The following MYO18A variants were observed in gnomAD, a reference collection of about 807,000 sequenced individuals.
MYO18A encodes the protein myosin XVIIIA.
A neutral mutation model predicts 235.8 loss-of-function variants in MYO18A; 78 were observed. The ratio of observed to expected loss-of-function variants is 0.33; its 90% confidence interval spans 0.28 to 0.40. The LOEUF is 0.40. MYO18A is among the 10% of genes least tolerant of loss of function. The probability of loss-of-function intolerance (pLI) is 1.00; values close to 1 mark genes in which losing one functional copy is unlikely to be tolerated. For synonymous variants in MYO18A, 977 were observed against 1,077.8 expected, an observed-to-expected ratio of 0.91 and a Z score of 1.83; for missense variants, 2,215 against 2,699.3, an observed-to-expected ratio of 0.82 and a Z score of 3.98.
intron 2 of MYO18A, chr17:29,133,924 C>G: frequency 8.3e-7 from 1 of 1,205,010 alleles, no homozygotes; most frequent in Non-Finnish European, 1.1e-6. Flanking sequence ...AAGGCCAGAA[C>G]CTGCCAGGAT....
intron 2 of MYO18A, chr17:29,165,658 T>C: frequency 5.0e-6 from 2 of 399,500 alleles, no homozygotes. Flanking sequence ...CCAGACAAGG[T>C]TGAGAGACGA....
intron 1 of MYO18A, among the ~76,000 whole-genome samples, chr17:29,179,432 C>T (rs1197006048): frequency 6.6e-6 from 1 of 152,176 alleles, no homozygotes. Context: ...ACCCACACTC[C>T]TGGCCGGGTT....
chr17:29,109,829 C>A lies in MYO18A; in HGVS notation c.3331+29G>T, dbSNP rs1216571887. The stretch of plus-strand genomic sequence containing the variant: ...GCAGGGCCAGCTCTGGAAAAGAGAG[C>A]CCAGAGTGGAGAGGAAAGGAGGCCC... On this transcript the variant is annotated intron_variant, in intron 19 of 41. Coordinates refer to ENST00000527372, the MANE Select transcript of MYO18A (RefSeq NM_078471.4). The surrounding 1 kb of genome is among the most constrained non-coding windows in gnomAD (Gnocchi z 4.1). 1 of 1,543,350 alleles carries A rather than the reference C, an allele frequency of 6.5e-7. No homozygotes were observed. The highest frequency in any genetic ancestry group is 1.4e-5 in the African/African-American group (1 of 72,948).
rs2067206145 is a variant in MYO18A at position 29,121,793 on chromosome 17, GC to G, written c.1194+57del. The G allele has an allele frequency of 1.2e-6, 2 of 1,610,614 alleles. No homozygotes were observed. Among genetic ancestry groups the G allele is most frequent in the Non-Finnish European group, 1.7e-6 (2 of 1,178,014 alleles). ...ATCTCCGCTGCCAGAGGATGGGCCT[GC>G]CCTGCCCAGTGCACTCCTGAGCCTC... On this transcript the variant is annotated intron_variant, in intron 4 of 41. Coordinates refer to ENST00000527372, the MANE Select transcript of MYO18A (RefSeq NM_078471.4). This position sits in a 1 kb window ranked among gnomAD's most constrained non-coding sequence, Gnocchi z 4.2.
intron 31 of MYO18A, among the ~76,000 whole-genome samples, chr17:29,093,725 C>T (rs951394345): frequency 6.6e-6 from 1 of 152,080 alleles, no homozygotes; most frequent in Admixed American, 6.5e-5. Flanking sequence ...ACCAGTGCAG[C>T]GCAGCACAGC....
At chr17:29,131,602 A>T (rs2067475667) in intron 2 of MYO18A, among the ~76,000 whole-genome samples, 1 of 152,222 alleles carries the variant, frequency 6.6e-6, no homozygotes, top group Admixed American at 6.5e-5. Context: ...GAGCTATCCT[A>T]TCCTAGAATC....
Position 29,121,188 on chromosome 17 carries a change from A to C in MYO18A, c.1395T>G (p.Cys465Trp), listed in dbSNP as rs750521047. 12 of 1,608,762 alleles carry C rather than the reference A, an allele frequency of 7.5e-6. 1 individual carries two copies. In the Admixed American group the frequency reaches 1.9e-4, roughly 25 times the overall value. Residue 465 changes from cysteine (C) to tryptophan (W), a missense_variant, in exon 6 of 42, where the codon TGT (cysteine) becomes TGG (tryptophan). By Grantham distance (215) the Cys-to-Trp change is radical. Coordinates refer to ENST00000527372, the MANE Select transcript of MYO18A (RefSeq NM_078471.4). The surrounding 1 kb of genome is among the most constrained non-coding windows in gnomAD (Gnocchi z 4.2). ...TGTGGGGTGCCATGTCCTCCCGCCGACAACCCTTGAACATGTGCATCACCT... is the reference window on the plus strand; with the variant it reads ...TGTGGGGTGCCATGTCCTCCCGCCGCCAACCCTTGAACATGTGCATCACCT... ...SEKVMHMFKG[C>W]RREDMAPHIY...
chr17:29,155,605 G>T (rs1377824212), intron 2 of MYO18A: 1 of 152,318 alleles, frequency 6.6e-6, no homozygotes, highest in Admixed American at 6.5e-5. Flanking sequence ...AGGCCCCGAA[G>T]GTGTTGCGGG....
At chr17:29,093,582 C>G (rs2066452175) in intron 31 of MYO18A, among the ~76,000 whole-genome samples, 155 bp from the exon 32 acceptor site, 1 of 152,038 alleles carries the variant, frequency 6.6e-6, no homozygotes, top group South Asian at 2.1e-4. Context: ...TTCCAGGTTT[C>G]TAGGGTTTCA....
chr17:29,172,665 C>T (rs1012180609), intron 1 of MYO18A, among the ~76,000 whole-genome samples: 1 of 152,070 alleles, frequency 6.6e-6, no homozygotes, highest in African/African-American at 2.4e-5. Context: ...TAGCAGGGCA[C>T]AGTTTTTGCA....
chr17:29,088,509 A>G (rs1326225926), intron 37 of MYO18A, among the ~76,000 whole-genome samples: 1 of 152,072 alleles, frequency 6.6e-6, no homozygotes, highest in Non-Finnish European at 1.5e-5. Flanking sequence ...TGCCTGCTCC[A>G]TGGACTGTGA....
intron 41 of MYO18A, among the ~76,000 whole-genome samples, chr17:29,079,504 C>A (rs1292470725): frequency 2.0e-5 from 3 of 152,234 alleles, no homozygotes; most frequent in African/African-American, 7.2e-5. Flanking sequence ...TAAGTGGGAG[C>A]TATGACATCA....
At position 29,126,198 on chromosome 17, in the gene MYO18A, T is replaced by C. The variant is rs183392092; in HGVS notation, c.1000-3945A>G. Among the ~76,000 whole-genome samples the C allele has an allele frequency of 3.5e-4, 54 of 152,302 alleles. No individual in the cohort carries two copies. The highest frequency in any genetic ancestry group is 3.5e-3 in the Admixed American group (54 of 15,308). On this transcript the variant is annotated intron_variant, in intron 2 of 41. Transcript: ENST00000527372. This position sits in a 1 kb window ranked among gnomAD's most constrained non-coding sequence, Gnocchi z 4.1. Reference sequence around the variant, plus strand: ...GCCTATCTTGAGCACCAAATGGCCCTATTATCCCACTTGCCCTCTGGACCC... The same window carrying C: ...GCCTATCTTGAGCACCAAATGGCCCCATTATCCCACTTGCCCTCTGGACCC...
intron 41 of MYO18A, chr17:29,076,438 AAAGG>A: frequency 6.6e-6 from 1 of 151,978 alleles, no homozygotes; most frequent in African/African-American, 2.4e-5. Context: ...TCCCTGGGGG[AAAGG>A]AAGAGGCTGA....
In MYO18A at chr17:29,072,323, G is replaced by A. The variant is rs7218959; in HGVS notation, c.*2447C>T. On this transcript the variant is annotated 3_prime_UTR_variant, in exon 42 of 42. Coordinates refer to ENST00000527372, the MANE Select transcript of MYO18A (RefSeq NM_078471.4). ...GCAGATCACTTGAGGTCAGAAGTTC[G>A]AGACCAGCCTGCTCAACATGGCGAA... The A allele has an allele frequency of 0.41, 61,203 of 150,524 alleles. 13,361 individuals are homozygous for A. The highest frequency in any genetic ancestry group is 0.84 in the East Asian group (4,335 of 5,144). 9.3% of individuals were successfully genotyped at this position (150,524 alleles called of 1,614,324 possible). A position where few individuals can be genotyped will look rare whatever the true frequency, so the allele number is the denominator to read the frequency against.
chr17:29,132,282 T>G lies in MYO18A; in HGVS notation c.1000-10029A>C, dbSNP rs374552764. Among the ~76,000 whole-genome samples, 13 of 152,246 alleles carry G rather than the reference T, an allele frequency of 8.5e-5. No individual in the cohort carries two copies. In the East Asian group the frequency reaches 2.5e-3, roughly 29 times the overall value. On this transcript the variant is annotated intron_variant, in intron 2 of 41. Transcript: ENST00000527372. ...GCAGATGATGTGGAAGCTCTGAAGG[T>G]TCTTTCAGTTCAGAAACTGGCTCAC... is the stretch of plus-strand genomic sequence containing the variant.
chr17:29,179,820 A>C (rs2068609197), intron 1 of MYO18A, among the ~76,000 whole-genome samples: 1 of 152,070 alleles, frequency 6.6e-6, no homozygotes, highest in African/African-American at 2.4e-5. Flanking sequence ...GCAGTGAAAG[A>C]GTGAAGGCCG....
chr17:29,122,178 C>T lies in MYO18A; in HGVS notation c.1075G>A (p.Gly359Ser), dbSNP rs780469507. ...CTCTGAGACTCACCCAGTGAGAAGCCGTCCCTATGGACCAGCCACACCTTC... is the reference window on the plus strand; with the variant it reads ...CTCTGAGACTCACCCAGTGAGAAGCTGTCCCTATGGACCAGCCACACCTTC... ...TEKVWLVHRD[G>S]FSLASQLKSE... Residue 359 changes from glycine to serine, a missense_variant, in exon 3 of 42, where the codon GGC (glycine) becomes AGC (serine). Coordinates refer to ENST00000527372, the MANE Select transcript of MYO18A (RefSeq NM_078471.4). 8.1e-6 allele frequency: 13 copies of T among 1,612,440 alleles called. No homozygotes were observed. The highest frequency in any genetic ancestry group is 9.3e-6 in the Non-Finnish European group (11 of 1,179,276).
At chr17:29,105,690 CG>C (rs1322476551) in intron 20 of MYO18A, among the ~76,000 whole-genome samples, 1 of 151,860 alleles carries the variant, frequency 6.6e-6, no homozygotes, top group Non-Finnish European at 1.5e-5. Flanking sequence ...GAAGGTGGGG[CG>C]GGGAGGATTT....
Sources: gnomAD v4.1 joint callset for allele counts (sites outside exome capture counted in the v4.1 genomes callset) on GRCh38, gnomAD v4.1.1 for gene constraint, Gnocchi (gnomAD v3.1) non-coding constraint, MANE v1.5 for transcripts, NCBI Gene and HGNC (gene_info 2026-07-23, HGNC 2026-07-21) for gene names.